PWWP2A: variants seen among roughly 807,000 people sequenced by gnomAD.
The protein encoded by PWWP2A is PWWP domain containing 2A, also known as PWWP domain-containing protein 2A.
In PWWP2A, 18 loss-of-function variants were observed where a neutral mutation model predicts 48.5. The observed-to-expected ratio is 0.37, with a 90% confidence interval of 0.26 to 0.55. The LOEUF is 0.55. PWWP2A is among the 20% of genes least tolerant of loss of function. The probability of loss-of-function intolerance (pLI) is 0.81; values close to 1 mark genes in which losing one functional copy is unlikely to be tolerated. For synonymous variants in PWWP2A, 396 were observed against 387.7 expected, an observed-to-expected ratio of 1.02 and a Z score of -0.25; for missense variants, 867 against 976.4, an observed-to-expected ratio of 0.89 and a Z score of 1.49.
rs143504708 is a variant in PWWP2A, at chr5:160,100,228, G to A, written c.585-6163C>T. On this transcript the variant is annotated intron_variant, in intron 1 of 1. Coordinates refer to ENST00000307063, the MANE Select transcript of PWWP2A (RefSeq NM_001130864.2). ...AGGCAGGAGAACGGTTTAAGCCTGGGAGACGGTGGCTGCAGTGAGTCAAAA... is the reference window on the plus strand; with the variant it reads ...AGGCAGGAGAACGGTTTAAGCCTGGAAGACGGTGGCTGCAGTGAGTCAAAA... Among the ~76,000 whole-genome samples the A allele has an allele frequency of 7.1e-3, 1,083 of 152,220 alleles. 5 individuals are homozygous for A. Among genetic ancestry groups the A allele is most frequent in the Non-Finnish European group, 0.011 (755 of 68,000 alleles).
At position 160,078,258 on chromosome 5, in the gene PWWP2A, T is replaced by C. The variant is rs1291523558; in HGVS notation, c.1670-90A>G. 8 of 1,093,858 alleles carry C rather than the reference T, an allele frequency of 7.3e-6. No individual in the cohort carries two copies. The highest frequency in any genetic ancestry group is 1.6e-5 in the African/African-American group (1 of 63,750). The allele number at this position is 1,093,858 out of a possible 1,614,324, so 67.8% of individuals were successfully genotyped here. On this transcript the variant is annotated intron_variant, in intron 3 of 3. Coordinates refer to the PWWP2A transcript ENST00000456329. The surrounding 1 kb of genome is among the most constrained non-coding windows in gnomAD (Gnocchi z 4.2). ...ATGTCCTTGTTGTTTAAGCCCTACA[T>C]AGATTGTGGGATCACACCTGATTTT...
At chr5:160,108,617 G>T in intron 1 of PWWP2A, 1 of 1,277,676 alleles carries the variant, frequency 7.8e-7, no homozygotes, top group Non-Finnish European at 1.0e-6. Context: ...CATGGTCTCT[G>T]TAAAGAAAAG....
intron 1 of PWWP2A, among the ~76,000 whole-genome samples, chr5:160,112,040 T>C (rs1302371869): frequency 6.7e-6 from 1 of 148,212 alleles, no homozygotes. Flanking sequence ...TGTGGGAGGA[T>C]TGCTTGAGCC....
the PWWP2A span, among the ~76,000 whole-genome samples, chr5:160,054,344 T>C: frequency 6.6e-6 from 1 of 152,224 alleles, no homozygotes; most frequent in East Asian, 1.9e-4. Flanking sequence ...CTGGGTACAG[T>C]AGCTCATGCC....
At chr5:160,116,016 T>G (rs984296893) in intron 1 of PWWP2A, among the ~76,000 whole-genome samples, 24 of 152,050 alleles carry the variant, frequency 1.6e-4, no homozygotes, top group African/African-American at 5.8e-4. Context: ...ATTAGTCCAA[T>G]AATAATTCCT....
intron 2 of PWWP2A, among the ~76,000 whole-genome samples, chr5:160,068,598 C>CA (rs1355028105): frequency 1.3e-5 from 2 of 151,982 alleles, no homozygotes; most frequent in Non-Finnish European, 2.9e-5. Flanking sequence ...GACCCTGTCT[C>CA]AAAAAAATAA....
In PWWP2A at chr5:160,093,439, TGAG is replaced by T. The variant is rs1755292820; in HGVS notation, c.1208_1210del (p.Ala403_Gln404delinsGlu). On this transcript the variant is annotated inframe_deletion, in exon 2 of 2. Transcript: ENST00000307063. This position sits in a 1 kb window ranked among gnomAD's most constrained non-coding sequence, Gnocchi z 5.8. Reference sequence around the variant, plus strand: ...TAACTGAGCTTTTGATGTATTTGCCTGAGCAGAAACTTTTACTACTCTGCCTCT... The same window carrying T: ...TAACTGAGCTTTTGATGTATTTGCCTCAGAAACTTTTACTACTCTGCCTCT... The T allele has an allele frequency of 1.9e-6, 3 of 1,613,554 alleles. No individual in the cohort carries two copies. The highest frequency in any genetic ancestry group is 2.5e-6 in the Non-Finnish European group (3 of 1,179,778).
the PWWP2A span, among the ~76,000 whole-genome samples, chr5:160,045,506 ACACACACATACACACTCTCTCTCTCT>A: frequency 1.1e-5 from 1 of 87,856 alleles, no homozygotes; most frequent in African/African-American, 4.6e-5. Flanking sequence ...ACACACACAC[ACACACACATACACACTCTCTCTCTCT>A]CTCTCTCTCT....
At chr5:160,050,597 A>G in the PWWP2A span, among the ~76,000 whole-genome samples, 1 of 149,352 alleles carries the variant, frequency 6.7e-6, no homozygotes, top group African/African-American at 2.5e-5. Flanking sequence ...TAGACTTTCT[A>G]TTAAGAACTG....
chr5:160,072,479 G>A (rs1329640092), downstream of PWWP2A, among the ~76,000 whole-genome samples: 1 of 152,242 alleles, frequency 6.6e-6, no homozygotes, highest in African/African-American at 2.4e-5. Context: ...TGTAATCCCA[G>A]CACCTGCGGG....
intron 1 of PWWP2A, among the ~76,000 whole-genome samples, chr5:160,097,652 TAAAACAAATACA>T (rs1256461309): frequency 7.8e-6 from 1 of 128,826 alleles, no homozygotes; most frequent in African/African-American, 2.8e-5. Context: ...TAAAAATAAA[TAAAACAAATACA>T]AAAACAAAAA....
intron 1 of PWWP2A, among the ~76,000 whole-genome samples, chr5:160,106,485 T>G (rs556066748): frequency 6.6e-6 from 1 of 152,064 alleles, no homozygotes; most frequent in African/African-American, 2.4e-5. Flanking sequence ...GCAACCTTCT[T>G]AGATTAAATA....
chr5:160,094,988 C>CA (rs1467200084), intron 1 of PWWP2A, among the ~76,000 whole-genome samples: 1 of 123,926 alleles, frequency 8.1e-6, no homozygotes, highest in Non-Finnish European at 1.6e-5. Flanking sequence ...GCAGAGCTTG[C>CA]AGTGAGCTGA....
At position 160,065,220 on chromosome 5, in the gene PWWP2A, G is replaced by C. The variant is rs1308186029; in HGVS notation, c.*236+1328C>G. 6.7e-6 allele frequency: 7 copies of C among 1,047,700 alleles called. No individual in the cohort carries two copies. In the East Asian group the frequency reaches 1.5e-4, roughly 23 times the overall value. 64.9% of individuals were successfully genotyped at this position (1,047,700 alleles called of 1,614,324 possible). On this transcript the variant is annotated intron_variant and NMD_transcript_variant, in intron 4 of 5. Transcript: ENST00000524050. ...CAGTGCTCCCTTGTCCCTCTTTTAT[G>C]ATCAGGGTGAAATGTACTTCCTGAT...
At chr5:160,105,825 A>C (rs1756842945) in intron 1 of PWWP2A, 1 of 165,068 alleles carries the variant, frequency 6.1e-6, no homozygotes, top group South Asian at 2.0e-4. Context: ...CTAACAACTT[A>C]TTTTAGTCTG....
At chr5:160,091,189 A>C, downstream of PWWP2A, 1 of 974,450 alleles carries the variant, frequency 1.0e-6, no homozygotes, top group Non-Finnish European at 1.2e-6. Context: ...TCATTATTTG[A>C]AGTTTTCTTA....
At chr5:160,047,481 ATCT>A in the PWWP2A span, among the ~76,000 whole-genome samples, 1 of 152,134 alleles carries the variant, frequency 6.6e-6, no homozygotes, top group Non-Finnish European at 1.5e-5. Flanking sequence ...CCAAGCCAAC[ATCT>A]TCTCTCATCT....
At chr5:160,045,550 TCTCC>T in the PWWP2A span, among the ~76,000 whole-genome samples, 24 of 119,120 alleles carry the variant, frequency 2.0e-4, no homozygotes, top group African/African-American at 7.8e-4. Context: ...TCTCTCTCTC[TCTCC>T]CCCTCCCCTC....
Position 160,078,676 on chromosome 5 carries a change from T to C in PWWP2A, c.1670-508A>G. ...TCAGCAGCAGGTCACACTGTCCACA[T>C]ACTTGCAAAGAGCAAAATAAGAAGG... is the stretch of plus-strand genomic sequence containing the variant. On this transcript the variant is annotated intron_variant, in intron 3 of 3. Coordinates refer to the PWWP2A transcript ENST00000456329. The surrounding 1 kb of genome is among the most constrained non-coding windows in gnomAD (Gnocchi z 4.2). 6.6e-6 allele frequency among the ~76,000 whole-genome samples: 1 copy of C among 152,256 alleles called. No homozygotes were observed. Among genetic ancestry groups the C allele is most frequent in the Non-Finnish European group, 1.5e-5 (1 of 68,016 alleles).
Sources: gnomAD v4.1 joint callset for allele counts (sites outside exome capture counted in the v4.1 genomes callset) on GRCh38, gnomAD v4.1.1 for gene constraint, Gnocchi (gnomAD v3.1) non-coding constraint, MANE v1.5 for transcripts, NCBI Gene and HGNC (gene_info 2026-07-23, HGNC 2026-07-21) for gene names.